PTK2: variants seen among roughly 807,000 people sequenced by gnomAD.
PTK2 encodes focal adhesion kinase 1.
PTK2 carries 45 observed loss-of-function variants against 150.1 expected under a neutral mutation model. The observed-to-expected ratio is 0.30, with a 90% CI of 0.24 to 0.38. The LOEUF is 0.38. PTK2 is among the 10% of genes least tolerant of loss of function. The probability of loss-of-function intolerance (pLI) is 1.00; values close to 1 mark genes in which losing one functional copy is unlikely to be tolerated. For synonymous variants in PTK2, 432 were observed against 449.2 expected, an observed-to-expected ratio of 0.96 and a Z score of 0.48; for missense variants, 919 against 1,307.3, an observed-to-expected ratio of 0.70 and a Z score of 4.58.
At chr8:140,922,620 C>G (rs571030259) in intron 2 of PTK2, among the ~76,000 whole-genome samples, 1 of 152,116 alleles carries the variant, frequency 6.6e-6, no homozygotes, top group Non-Finnish European at 1.5e-5. Context: ...TTGGAACTTA[C>G]GGCTCTCAAA....
chr8:140,670,498 C>A (rs1371651474), intron 29 of PTK2, among the ~76,000 whole-genome samples: 7 of 41,040 alleles, frequency 1.7e-4, no homozygotes, highest in African/African-American at 4.3e-4. Context: ...AACACACACA[C>A]ACACACACAC....
At chr8:140,881,556 T>C (rs1600354144) in intron 3 of PTK2, among the ~76,000 whole-genome samples, 1 of 152,232 alleles carries the variant, frequency 6.6e-6, no homozygotes, top group East Asian at 1.9e-4. Context: ...CGGCTCTCTC[T>C]TGTTAGAGCT....
chr8:140,753,865 C>CT (rs1249976855), intron 16 of PTK2, among the ~76,000 whole-genome samples: 1 of 152,090 alleles, frequency 6.6e-6, no homozygotes, highest in Non-Finnish European at 1.5e-5. Context: ...ACTATATGCT[C>CT]AGTAAAGATC....
chr8:140,969,479 G>A (rs2100186479), intron 1 of PTK2, among the ~76,000 whole-genome samples: 2 of 152,100 alleles, frequency 1.3e-5, no homozygotes, highest in East Asian at 3.8e-4. Flanking sequence ...CCTCAATACT[G>A]CTAAATCCAA....
At chr8:140,883,832 A>G (rs180901982) in intron 3 of PTK2, among the ~76,000 whole-genome samples, 4 of 152,266 alleles carry the variant, frequency 2.6e-5, no homozygotes, top group African/African-American at 9.6e-5. Flanking sequence ...TTGGGAGCTT[A>G]AAACACAACA....
At chr8:140,985,687 T>C (rs1010078879) in intron 1 of PTK2, among the ~76,000 whole-genome samples, 1 of 152,182 alleles carries the variant, frequency 6.6e-6, no homozygotes, top group Non-Finnish European at 1.5e-5. Flanking sequence ...CCCTGCAACT[T>C]TGCACAGCAC....
intron 2 of PTK2, among the ~76,000 whole-genome samples, chr8:140,890,981 A>T (rs1328245597): frequency 1.3e-5 from 2 of 151,450 alleles, no homozygotes; most frequent in Non-Finnish European, 3.0e-5. Context: ...AATATTTGTT[A>T]AAAAAAAATT....
intron 14 of PTK2, among the ~76,000 whole-genome samples, chr8:140,769,181 C>T (rs989095811): frequency 2.0e-5 from 3 of 152,160 alleles, no homozygotes; most frequent in Non-Finnish European, 4.4e-5. Context: ...TTCATTCTTT[C>T]CTTTCTACTA....
chr8:140,817,424 A>G (rs1325675166), intron 10 of PTK2, among the ~76,000 whole-genome samples: 1 of 152,162 alleles, frequency 6.6e-6, no homozygotes, highest in African/African-American at 2.4e-5. Flanking sequence ...TAAATTAAGT[A>G]AAAAGTTCAA....
At chr8:140,845,748 G>C (rs1358490072) in intron 7 of PTK2, among the ~76,000 whole-genome samples, 1 of 152,176 alleles carries the variant, frequency 6.6e-6, no homozygotes, top group African/African-American at 2.4e-5. Context: ...AAAAGATGAA[G>C]TATAGGGTTT....
chr8:140,752,391 T>G (rs1223109745), intron 16 of PTK2, 75 bp from the exon 20 acceptor site: 22 of 1,375,904 alleles, frequency 1.6e-5, no homozygotes, highest in Non-Finnish European at 2.3e-5. Context: ...TGAAAACCTG[T>G]CTGTTTTGCA....
chr8:140,760,475 TA>T (rs2100068779), intron 16 of PTK2, among the ~76,000 whole-genome samples: 1 of 152,100 alleles, frequency 6.6e-6, no homozygotes, highest in Non-Finnish European at 1.5e-5. Flanking sequence ...AAGCTGATAA[TA>T]AAAAATCCAT....
chr8:140,870,562 G>T (rs1169896266), intron 4 of PTK2, among the ~76,000 whole-genome samples: 4 of 152,200 alleles, frequency 2.6e-5, no homozygotes, highest in Non-Finnish European at 2.9e-5. Flanking sequence ...GACATCAGAA[G>T]GCATCAAAGA....
At chr8:140,738,966 T>A (rs568019865) in intron 21 of PTK2, 52 bp downstream of exon 24, 2 of 1,270,144 alleles carry the variant, frequency 1.6e-6, no homozygotes, top group Admixed American at 4.9e-5. Context: ...TTTTTTTGTA[T>A]AACATATGAA....
At chr8:140,999,144 C>G (rs1344976544) in intron 1 of PTK2, among the ~76,000 whole-genome samples, 2 of 152,188 alleles carry the variant, frequency 1.3e-5, no homozygotes. Flanking sequence ...TTCTTTGCCC[C>G]AAACCGTAAA....
Position 140,693,763 on chromosome 8 carries a change from G to C in PTK2, c.2500-7069C>G, listed in dbSNP as rs140321848. On this transcript the variant is annotated intron_variant, in intron 26 of 31. Coordinates refer to ENST00000522684, the Ensembl canonical transcript of PTK2. ...ACCCACTGAAGTACTCAAAAAGTAAGAGATGTGACTAGCAGTAGCAACCAT... is the reference window on the plus strand; with the variant it reads ...ACCCACTGAAGTACTCAAAAAGTAACAGATGTGACTAGCAGTAGCAACCAT... 9.4e-4 allele frequency among the ~76,000 whole-genome samples: 143 copies of C among 152,130 alleles called. 1 individual carries two copies. The highest frequency in any genetic ancestry group is 3.3e-3 in the African/African-American group (135 of 41,512).
intron 1 of PTK2, among the ~76,000 whole-genome samples, chr8:140,927,951 A>G (rs1569052702): frequency 7.2e-5 from 6 of 83,458 alleles, no homozygotes; most frequent in African/African-American, 2.8e-4. Context: ...AAAAAAAAAA[A>G]AAAAAAGAAA....
At chr8:140,971,391 TTCCTTGAATTTGTCAGAA>T (rs1333204533) in intron 1 of PTK2, among the ~76,000 whole-genome samples, 1 of 152,208 alleles carries the variant, frequency 6.6e-6, no homozygotes, top group East Asian at 1.9e-4. Context: ...CCATTGTCAG[TTCCTTGAATTTGTCAGAA>T]ATAGAAACTG....
At chr8:140,702,506 C>T (rs1166017825) in intron 25 of PTK2, 64 bp downstream of exon 28, 41 of 1,567,104 alleles carry the variant, frequency 2.6e-5, no homozygotes, top group Non-Finnish European at 3.4e-5. Context: ...AAGTGTAAGC[C>T]ACCATGCCCA....
Sources: gnomAD v4.1 joint callset for allele counts (sites outside exome capture counted in the v4.1 genomes callset) on GRCh38, gnomAD v4.1.1 for gene constraint, MANE v1.5 for transcripts, NCBI Gene and HGNC (gene_info 2026-07-23, HGNC 2026-07-21) for gene names.